Variants in MGAM2 observed in about 807,000 individuals in gnomAD.
MGAM2 encodes maltase-glucoamylase 2 (putative).
MGAM2 carries 98 observed loss-of-function variants against 96.1 expected under a neutral mutation model. The observed-to-expected ratio is 1.02, with a 90% CI of 0.87 to 1.21. The LOEUF (loss-of-function observed/expected upper bound fraction) is 1.21. Ranked by LOEUF, MGAM2 falls within the 50% of genes most tolerant of loss-of-function variation. MGAM2 has a pLI of 0.00. For synonymous variants in MGAM2, 749 were observed against 414.8 expected, an observed-to-expected ratio of 1.81 and a Z score of -9.79; for missense variants, 2,055 against 1,182.4, an observed-to-expected ratio of 1.74 and a Z score of -10.82.
chr7:142,217,776 G>A (rs927970699), intron 46 of MGAM2, among the ~76,000 whole-genome samples: 1 of 152,172 alleles, frequency 6.6e-6, no homozygotes, highest in Non-Finnish European at 1.5e-5. Flanking sequence ...TATTTGAAAT[G>A]TTTCCAACAC....
Position 142,147,496 on chromosome 7 carries a change from G to C in MGAM2, c.1557G>C (p.Met519Ile). Residue 519 changes from methionine (M) to isoleucine (I), a missense_variant, in exon 15 of 48, where the codon ATG becomes ATC. Met to Ile is a conservative substitution (Grantham distance 10). Coordinates refer to ENST00000477922, the MANE Select transcript of MGAM2 (RefSeq NM_001293626.2). Reference sequence around the variant, plus strand: ...TACTTTTTGCAAGAACTCTCTGCATGGACACGGAGTTTCATGGGGGCCTTC... The same window carrying C: ...TACTTTTTGCAAGAACTCTCTGCATCGACACGGAGTTTCATGGGGGCCTTC... ...DHLLFARTLC[M>I]DTEFHGGLHY... 1 of 702,746 alleles carries C rather than the reference G, an allele frequency of 1.4e-6. No individual in the cohort carries two copies. Among genetic ancestry groups the C allele is most frequent in the South Asian group, 1.5e-5 (1 of 67,576 alleles). 43.5% of individuals were successfully genotyped at this position (702,746 alleles called of 1,614,324 possible).
intron 36 of MGAM2, among the ~76,000 whole-genome samples, chr7:142,188,817 C>T (rs1796781649): frequency 6.6e-6 from 1 of 152,180 alleles, no homozygotes; most frequent in Non-Finnish European, 1.5e-5. Flanking sequence ...GATAATTTTG[C>T]CCAACTTAGG....
chr7:142,207,419 T>C (rs1797439459), intron 45 of MGAM2, among the ~76,000 whole-genome samples: 1 of 151,752 alleles, frequency 6.6e-6, no homozygotes, highest in Non-Finnish European at 1.5e-5. Context: ...TATTTATTTA[T>C]TTATTTATTT....
intron 46 of MGAM2, among the ~76,000 whole-genome samples, chr7:142,214,042 A>C (rs1203949546): frequency 6.6e-6 from 1 of 152,172 alleles, no homozygotes; most frequent in Non-Finnish European, 1.5e-5. Context: ...CATAAACAGA[A>C]CCAATGACAA....
At chr7:142,171,601 A>G (rs1796188117) in intron 28 of MGAM2, among the ~76,000 whole-genome samples, 161 bp downstream of exon 28, 1 of 101,626 alleles carries the variant, frequency 9.8e-6, no homozygotes, top group African/African-American at 3.5e-5. Context: ...TTGTCCCTAA[A>G]AGGCATATAT....
intron 15 of MGAM2, among the ~76,000 whole-genome samples, chr7:142,151,837 CAGTGGAGATA>C (rs1438991565): frequency 6.6e-6 from 1 of 152,218 alleles, no homozygotes. Context: ...TCCCAGAGGA[CAGTGGAGATA>C]AGTGGAACTT....
At chr7:142,141,622 C>T (rs1254901732) in intron 12 of MGAM2, among the ~76,000 whole-genome samples, 3 of 152,066 alleles carry the variant, frequency 2.0e-5, no homozygotes, top group Non-Finnish European at 2.9e-5. Context: ...ACCTCAGCCT[C>T]CCGAGTAGCT....
intron 32 of MGAM2, among the ~76,000 whole-genome samples, chr7:142,176,760 T>A (rs1429630069): frequency 6.6e-6 from 1 of 152,180 alleles, no homozygotes; most frequent in Non-Finnish European, 1.5e-5. Context: ...CATGATAAAT[T>A]GGCTCTCTCT....
Position 142,158,071 on chromosome 7 carries a change from A to G in MGAM2, c.2058A>G (p.Val686=), listed in dbSNP as rs1210398955. 1.4e-6 allele frequency: 1 copy of G among 702,870 alleles called. No homozygotes were observed. Among genetic ancestry groups the G allele is most frequent in the African/African-American group, 1.7e-5 (1 of 57,378 alleles). 43.5% of individuals were successfully genotyped at this position (702,870 alleles called of 1,614,324 possible). The change falls in exon 18 of 48, where the codon GTA becomes GTG. Residue 686 remains valine (V), a synonymous_variant. Coordinates refer to ENST00000477922, the MANE Select transcript of MGAM2 (RefSeq NM_001293626.2). ...ATGCTCACACCCGGGGAGAGACGGT[A>G]GCAAGGCCCCTTGTACATGAGTGAG... ...FYHAHTRGET[V]ARPLVHEFYQ...
chr7:142,178,543 T>C (rs866731994), intron 32 of MGAM2, among the ~76,000 whole-genome samples: 9 of 152,128 alleles, frequency 5.9e-5, no homozygotes, highest in African/African-American at 1.7e-4. Context: ...TAGTGAAAGG[T>C]AGGAGTCCAG....
At chr7:142,160,460 G>A (rs59185323) in intron 21 of MGAM2, among the ~76,000 whole-genome samples, 43,241 of 151,892 alleles carry the variant, frequency 0.28, 6,465 homozygotes, top group Non-Finnish European at 0.32. Flanking sequence ...AAGGACATCT[G>A]CAGAGTGTTT....
At chr7:142,208,753 AG>A (rs1797487597) in intron 46 of MGAM2, 131 bp downstream of exon 46, 1 of 578,538 alleles carries the variant, frequency 1.7e-6, no homozygotes, top group Non-Finnish European at 3.1e-6. Flanking sequence ...TTTATAATCC[AG>A]GTCTGTTGTC....
intron 33 of MGAM2, among the ~76,000 whole-genome samples, chr7:142,184,676 A>T (rs1796641918): frequency 1.3e-5 from 2 of 152,200 alleles, no homozygotes; most frequent in Admixed American, 1.3e-4. Context: ...GATAGTGCTT[A>T]AAAGTATTGA....
In MGAM2 at chr7:142,134,506, A is replaced by G. The variant is rs1257253203; in HGVS notation, c.747+354A>G. Among the ~76,000 whole-genome samples, 6 of 152,316 alleles carry G rather than the reference A, an allele frequency of 3.9e-5. No homozygotes were observed. The South Asian group carries it at 1.0e-3, about 26-fold the overall frequency. On this transcript the variant is annotated intron_variant, in intron 7 of 47. Transcript: ENST00000477922. The stretch of plus-strand genomic sequence containing the variant: ...GAAGGCTTCAGTAGGAGCCAAGCTC[A>G]GTAGAACTTGGTGGACTAAAAATGT...
chr7:142,193,671 A>G (rs60131409), intron 37 of MGAM2, among the ~76,000 whole-genome samples: 7,644 of 152,196 alleles, frequency 0.05, 547 homozygotes, highest in East Asian at 0.17. Context: ...CCTAGATTCC[A>G]GATATTTATG....
At chr7:142,134,867 A>G (rs937200358) in intron 7 of MGAM2, among the ~76,000 whole-genome samples, 3 of 151,916 alleles carry the variant, frequency 2.0e-5, no homozygotes, top group Non-Finnish European at 4.4e-5. Flanking sequence ...AAACTCAAAG[A>G]CATACCAAAA....
At chr7:142,160,989 G>T (rs1390358336) in intron 21 of MGAM2, 136 bp from the exon 22 acceptor site, 2 of 546,950 alleles carry the variant, frequency 3.7e-6, no homozygotes, top group Admixed American at 2.8e-5. Flanking sequence ...GCTCCCATGT[G>T]TCCACCCAAT....
intron 37 of MGAM2, 68 bp downstream of exon 37, chr7:142,189,573 G>A: frequency 3.3e-6 from 2 of 608,128 alleles, no homozygotes; most frequent in Non-Finnish European, 5.9e-6. Context: ...TTTCATATTT[G>A]CATTGTGCAT....
At chr7:142,146,223 T>A (rs1338833702) in intron 14 of MGAM2, among the ~76,000 whole-genome samples, 1 of 144,900 alleles carries the variant, frequency 6.9e-6, no homozygotes, top group African/African-American at 2.5e-5. Context: ...TTTTTTTCCC[T>A]ATGGAAAACC....
Sources: allele counts gnomAD v4.1 joint callset (sites outside exome capture counted in the v4.1 genomes callset), GRCh38; gene constraint gnomAD v4.1.1; transcripts MANE v1.5; gene names NCBI Gene and HGNC (gene_info 2026-07-23, HGNC 2026-07-21).